The following CHODL variants were observed in gnomAD, a reference collection of about 807,000 sequenced individuals.
The protein encoded by CHODL is transmembrane protein MT75.
In CHODL, 29 loss-of-function variants were observed where a neutral mutation model predicts 34.5. The ratio of observed to expected loss-of-function variants is 0.84; its 90% CI spans 0.63 to 1.15. The LOEUF is 1.15. Among genes scored for constraint, CHODL ranks in the 50% most tolerant of loss-of-function variants. The pLI is 0.00. For synonymous variants in CHODL, 125 were observed against 116.1 expected, an observed-to-expected ratio of 1.08 and a Z score of -0.49; for missense variants, 332 against 332.5, an observed-to-expected ratio of 1.00 and a Z score of 0.01.
At chr21:18,239,073 C>G (rs1408269032) in intron 2 of CHODL, among the ~76,000 whole-genome samples, 6 of 152,038 alleles carry the variant, frequency 3.9e-5, no homozygotes, top group Non-Finnish European at 5.9e-5. Context: ...TTAAATTTTT[C>G]TGCTGTAAAG....
At chr21:18,137,732 A>G (rs1380472237) in intron 2 of CHODL, among the ~76,000 whole-genome samples, 1 of 152,196 alleles carries the variant, frequency 6.6e-6, no homozygotes, top group Non-Finnish European at 1.5e-5. Flanking sequence ...CAACGATGGT[A>G]TATAGATGCA....
intron 2 of CHODL, among the ~76,000 whole-genome samples, chr21:18,044,554 T>C (rs2064417888): frequency 6.6e-6 from 1 of 151,972 alleles, no homozygotes; most frequent in Non-Finnish European, 1.5e-5. Context: ...TTGTGGTCCA[T>C]AAGAGAGCAT....
intron 2 of CHODL, among the ~76,000 whole-genome samples, chr21:18,102,164 C>T (rs1194705873): frequency 1.3e-5 from 2 of 152,176 alleles, no homozygotes; most frequent in Non-Finnish European, 2.9e-5. Context: ...GCTAGAACTT[C>T]AGTCAAACTG....
intron 2 of CHODL, among the ~76,000 whole-genome samples, chr21:18,120,188 A>G (rs2065462908): frequency 6.6e-6 from 1 of 152,178 alleles, no homozygotes; most frequent in African/African-American, 2.4e-5. Context: ...AGAAGTATAA[A>G]TTATTGAGCT....
At chr21:18,122,683 G>GA (rs1303223538) in intron 2 of CHODL, among the ~76,000 whole-genome samples, 1 of 151,702 alleles carries the variant, frequency 6.6e-6, no homozygotes, top group Non-Finnish European at 1.5e-5. Flanking sequence ...AGGTGGTTTA[G>GA]AAAAAAAGAT....
chr21:17,930,511 G>T (rs892048043), intron 1 of CHODL, among the ~76,000 whole-genome samples: 4 of 152,216 alleles, frequency 2.6e-5, no homozygotes, highest in African/African-American at 9.7e-5. Flanking sequence ...TGAGTGGTCT[G>T]CCTGCCCTTT....
chr21:18,231,364 T>G (rs1181526528), intron 2 of CHODL, among the ~76,000 whole-genome samples: 2 of 152,106 alleles, frequency 1.3e-5, no homozygotes, highest in East Asian at 3.9e-4. Flanking sequence ...TTTCCATGAT[T>G]GCCAGCCACT....
intron 2 of CHODL, among the ~76,000 whole-genome samples, chr21:18,213,354 C>A (rs1385953887): frequency 6.6e-6 from 1 of 152,066 alleles, no homozygotes; most frequent in Non-Finnish European, 1.5e-5. Flanking sequence ...AGAATCCAAA[C>A]AAAATGTCCC....
At chr21:17,977,047 T>G (rs1423777015) in intron 1 of CHODL, among the ~76,000 whole-genome samples, 1 of 152,178 alleles carries the variant, frequency 6.6e-6, no homozygotes, top group Non-Finnish European at 1.5e-5. Flanking sequence ...CCATAACACT[T>G]TAAAGGAGGC....
intron 2 of CHODL, among the ~76,000 whole-genome samples, chr21:18,168,040 A>C (rs8130112): frequency 1 from 152,279 of 152,280 alleles, 76,139 homozygotes; most frequent in Non-Finnish European, 1. Flanking sequence ...TTCTCCTGTG[A>C]TGAATTCTTC....
intron 2 of CHODL, among the ~76,000 whole-genome samples, chr21:18,180,404 A>G (rs921228252): frequency 6.6e-6 from 1 of 152,172 alleles, no homozygotes; most frequent in Non-Finnish European, 1.5e-5. Context: ...TGGGCCTCCC[A>G]AAGTGCTGGG....
intron 1 of CHODL, among the ~76,000 whole-genome samples, chr21:18,010,465 C>G (rs7280233): frequency 0.016 from 2,443 of 152,208 alleles, 61 homozygotes; most frequent in African/African-American, 0.056. Flanking sequence ...CAGCAACTTA[C>G]TTGCGGCTTT....
At chr21:17,930,361 G>A (rs1413669018) in intron 1 of CHODL, among the ~76,000 whole-genome samples, 1 of 152,124 alleles carries the variant, frequency 6.6e-6, no homozygotes, top group African/African-American at 2.4e-5. Flanking sequence ...TTGTAGGGAG[G>A]GAACAGGGAG....
intron 2 of CHODL, among the ~76,000 whole-genome samples, chr21:18,214,637 T>C (rs1245661394): frequency 6.6e-6 from 1 of 152,150 alleles, no homozygotes; most frequent in Non-Finnish European, 1.5e-5. Context: ...ACTTAAGGAA[T>C]GCATATATGG....
In CHODL at chr21:18,138,747, C is replaced by T. The variant is rs533424678; in HGVS notation, c.-45+110776C>T. 9.2e-5 allele frequency among the ~76,000 whole-genome samples: 14 copies of T among 152,232 alleles called. No individual in the cohort carries two copies. In the South Asian group the frequency reaches 2.3e-3, roughly 25 times the overall value. Reference sequence around the variant, plus strand: ...GTTGCATACTTTCTGGAATAGCAAGCGAATAAGAGCACAATACAGCAGAGT... The same window carrying T: ...GTTGCATACTTTCTGGAATAGCAAGTGAATAAGAGCACAATACAGCAGAGT... On this transcript the variant is annotated intron_variant, in intron 2 of 6. Coordinates refer to the CHODL transcript ENST00000400127.
At position 18,194,697 on chromosome 21, in the gene CHODL, T is replaced by C. The variant is rs73316222; in HGVS notation, c.-44-61812T>C. ...GGTGACATTTTCACATAGGTATACA[T>C]TGAAATAGTTAAATCAAGCTAATTG... On this transcript the variant is annotated intron_variant, in intron 2 of 6. Transcript: ENST00000400127. Among the ~76,000 whole-genome samples the C allele has an allele frequency of 6.9e-3, 1,044 of 152,228 alleles. 22 individuals are homozygous for C. The highest frequency in any genetic ancestry group is 0.024 in the African/African-American group (991 of 41,526).
At chr21:18,149,422 G>A (rs943628436) in intron 2 of CHODL, among the ~76,000 whole-genome samples, 6 of 152,110 alleles carry the variant, frequency 3.9e-5, no homozygotes, top group Admixed American at 1.3e-4. Flanking sequence ...CCTCATAACC[G>A]TATCTATCAA....
At chr21:17,995,619 A>G (rs772098375) in intron 1 of CHODL, among the ~76,000 whole-genome samples, 5 of 152,244 alleles carry the variant, frequency 3.3e-5, no homozygotes, top group Non-Finnish European at 5.9e-5. Flanking sequence ...GCTGGTCTCC[A>G]TATTCTTAAA....
At chr21:18,134,329 CA>C (rs749078860) in intron 2 of CHODL, 1 of 517,646 alleles carries the variant, frequency 1.9e-6, no homozygotes, top group Non-Finnish European at 3.9e-6. Context: ...TATTGATAAA[CA>C]GTGGTGACTT....
Sources: allele counts gnomAD v4.1 joint callset (sites outside exome capture counted in the v4.1 genomes callset), GRCh38; gene constraint gnomAD v4.1.1; transcripts MANE v1.5; gene names NCBI Gene and HGNC (gene_info 2026-07-23, HGNC 2026-07-21).